Variants in NHERF2 observed in about 807,000 individuals in gnomAD.
The protein encoded by NHERF2 is Na(+)/H(+) exchange regulatory cofactor NHE-RF2.
At chr16:2,032,013 T>C in the NHERF2 span, among the ~76,000 whole-genome samples, 3 of 148,900 alleles carry the variant, frequency 2.0e-5, no homozygotes, top group Admixed American at 2.0e-4. This position sits in a 1 kb window ranked among gnomAD's most constrained non-coding sequence, Gnocchi z 4.0. Flanking sequence ...AGGTTTCATT[T>C]CTTTCTTTCT....
At chr16:2,038,495 C>T in the NHERF2 span, 14 of 380,590 alleles carry the variant, frequency 3.7e-5, no homozygotes, top group African/African-American at 1.6e-4. Context: ...ATTTCCTCCC[C>T]GCCCCCTCCC....
At chr16:2,029,746 A>G in the NHERF2 span, 1 of 1,314,288 alleles carries the variant, frequency 7.6e-7, no homozygotes, top group South Asian at 1.2e-5. Flanking sequence ...CAGACTGGGC[A>G]CACACCGGCA....
the NHERF2 span, among the ~76,000 whole-genome samples, chr16:2,033,603 G>A: frequency 6.6e-6 from 1 of 152,188 alleles, no homozygotes; most frequent in Non-Finnish European, 1.5e-5. Context: ...GGGTGCCCAG[G>A]GTACCCCCAT....
the NHERF2 span, chr16:2,038,564 C>T: frequency 1.8e-5 from 6 of 335,554 alleles, no homozygotes; most frequent in Admixed American, 1.0e-4. Flanking sequence ...CAAGTTGGGG[C>T]GCCCAGCCTC....
chr16:2,036,038 C>T, the NHERF2 span: 6 of 444,254 alleles, frequency 1.4e-5, no homozygotes, highest in African/African-American at 1.2e-4. Flanking sequence ...TCCCACCCTG[C>T]CTGTGCGCCA....
the NHERF2 span, among the ~76,000 whole-genome samples, chr16:2,033,845 G>T: frequency 6.6e-6 from 1 of 152,194 alleles, no homozygotes; most frequent in South Asian, 2.1e-4. Context: ...TGTGCTGCCA[G>T]CAGCCCACCC....
chr16:2,037,004 A>AG, the NHERF2 span: 1 of 1,549,582 alleles, frequency 6.5e-7, no homozygotes, highest in Admixed American at 2.0e-5. Flanking sequence ...CCCAGGTAAG[A>AG]GGGTGGGGTG....
chr16:2,036,985 C>A, the NHERF2 span: 1 of 1,551,096 alleles, frequency 6.4e-7, no homozygotes, highest in Non-Finnish European at 8.7e-7. Context: ...ACCAATGGAA[C>A]CAGCCCTGCC....
the NHERF2 span, chr16:2,033,042 G>GC: frequency 7.9e-7 from 1 of 1,267,398 alleles, no homozygotes; most frequent in Non-Finnish European, 1.0e-6. Flanking sequence ...GTGTTCTGGG[G>GC]CCGGGACTCC....
chr16:2,027,321 G>A, the NHERF2 span: 3 of 623,366 alleles, frequency 4.8e-6, no homozygotes, highest in South Asian at 1.3e-4. Flanking sequence ...CCCGCGGGGA[G>A]GACGCGGACG....
At chr16:2,037,398 A>G in the NHERF2 span, 3 of 822,354 alleles carry the variant, frequency 3.6e-6, no homozygotes, top group Non-Finnish European at 6.1e-6. Context: ...GCCCCGCCGC[A>G]TCTGGAGTCC....
the NHERF2 span, chr16:2,029,745 C>A: frequency 2.0e-6 from 3 of 1,469,298 alleles, no homozygotes; most frequent in South Asian, 3.6e-5. Flanking sequence ...CCAGACTGGG[C>A]ACACACCGGC....
At chr16:2,037,665 G>T in the NHERF2 span, 1 of 1,579,702 alleles carries the variant, frequency 6.3e-7, no homozygotes, top group South Asian at 1.2e-5. Flanking sequence ...GTAGGCGTCT[G>T]TGGAGATGTC....
chr16:2,029,567 G>A, the NHERF2 span: 69 of 1,558,290 alleles, frequency 4.4e-5, 1 homozygote, highest in African/African-American at 5.8e-4. Context: ...CGCTCCTATC[G>A]CCCATTCGCC....
the NHERF2 span, chr16:2,029,753 G>A: frequency 2.3e-5 from 29 of 1,287,182 alleles, no homozygotes; most frequent in African/African-American, 7.7e-5. Flanking sequence ...GGCACACACC[G>A]GCAGCCACAG....
the NHERF2 span, among the ~76,000 whole-genome samples, chr16:2,028,191 T>G: frequency 6.6e-6 from 1 of 152,210 alleles, no homozygotes; most frequent in African/African-American, 2.4e-5. Context: ...ACCTAGAGAT[T>G]AGCAGGTTGG....
chr16:2,038,492 C>T, the NHERF2 span: 1 of 381,082 alleles, frequency 2.6e-6, no homozygotes, highest in Non-Finnish European at 5.0e-6. Flanking sequence ...ACCATTTCCT[C>T]CCCGCCCCCT....
At chr16:2,029,259 C>G in the NHERF2 span, among the ~76,000 whole-genome samples, 1 of 152,216 alleles carries the variant, frequency 6.6e-6, no homozygotes, top group Admixed American at 6.5e-5. Context: ...TTTGTCACTT[C>G]CAGACAGGAC....
chr16:2,038,442 C>A, the NHERF2 span: 24 of 362,240 alleles, frequency 6.6e-5, no homozygotes, highest in Admixed American at 2.7e-4. Context: ...CCTTGGGACG[C>A]GCTCTAAATA....
Sources: gnomAD v4.1 joint callset for allele counts (sites outside exome capture counted in the v4.1 genomes callset) on GRCh38, gnomAD v4.1.1 for gene constraint, Gnocchi (gnomAD v3.1) non-coding constraint, MANE v1.5 for transcripts, NCBI Gene and HGNC (gene_info 2026-07-23, HGNC 2026-07-21) for gene names.